The following IFFO2 variants were observed in gnomAD, a reference collection of about 807,000 sequenced individuals.
The protein encoded by IFFO2 is intermediate filament family orphan 2.
A neutral mutation model predicts 53.5 loss-of-function variants in IFFO2; 19 were observed. The observed-to-expected ratio is 0.36, with a 90% confidence interval of 0.25 to 0.52. The LOEUF is 0.52. IFFO2 is among the 20% of genes least tolerant of loss of function. The pLI is 0.94. For synonymous variants in IFFO2, 303 were observed against 313.6 expected (o/e 0.97, Z 0.36); for missense variants, 570 against 727.4 (o/e 0.78, Z 2.49).
At chr1:18,940,241 G>A (rs529372982) in intron 1 of IFFO2, among the ~76,000 whole-genome samples, 25 of 152,308 alleles carry the variant, frequency 1.6e-4, no homozygotes, top group African/African-American at 5.3e-4. Flanking sequence ...GGGAGCTGCC[G>A]GCCAGGAGTG....
At position 18,916,949 on chromosome 1, in the gene IFFO2, C is replaced by T. The variant is rs201108135; in HGVS notation, c.1057G>A (p.Gly353Ser). 4.8e-5 allele frequency: 75 copies of T among 1,551,838 alleles called. No individual in the cohort carries two copies. The highest frequency in any genetic ancestry group is 5.9e-5 in the Non-Finnish European group (68 of 1,147,064). The change falls in exon 5 of 9, where the codon GGC becomes AGC. Residue 353 changes from glycine to serine, a missense_variant. Gly to Ser is a moderately conservative substitution (Grantham distance 56). Coordinates refer to ENST00000455833, the MANE Select transcript of IFFO2 (RefSeq NM_001136265.2). The surrounding 1 kb of genome is among the most constrained non-coding windows in gnomAD (Gnocchi z 4.3). The stretch of plus-strand genomic sequence containing the variant: ...ATCTCATCGGTGATGTTCATGGAGC[C>T]GACCTCATCGTCCGAGAACCGGTTC... The part of the protein sequence containing the change: ...EVNRFSDDEV[G>S]SMNITDEMKR...
chr1:18,952,921 G>T (rs946930007), intron 1 of IFFO2, among the ~76,000 whole-genome samples: 2 of 152,310 alleles, frequency 1.3e-5, no homozygotes, highest in Admixed American at 1.3e-4. Flanking sequence ...CATGGATGTG[G>T]CCAGAAATCA....
chr1:18,934,057 CTTTTTTTTTTTT>C (rs71577808), intron 1 of IFFO2, among the ~76,000 whole-genome samples: 11 of 70,316 alleles, frequency 1.6e-4, no homozygotes, highest in East Asian at 4.4e-4. Flanking sequence ...TCTCTTATTT[CTTTTTTTTTTTT>C]TTTTTTTTTT....
At chr1:18,955,632 C>T in intron 1 of IFFO2, 36 bp downstream of exon 1, 1 of 1,530,738 alleles carries the variant, frequency 6.5e-7, no homozygotes, top group Non-Finnish European at 8.7e-7. Flanking sequence ...CCTGGGCGCC[C>T]CGTCCCAGGG....
chr1:18,915,301 T>C (rs529581972), intron 5 of IFFO2, among the ~76,000 whole-genome samples: 1 of 152,262 alleles, frequency 6.6e-6, no homozygotes, highest in East Asian at 1.9e-4. Context: ...AAACAAATGA[T>C]GTCAAAGGCA....
At chr1:18,931,110 T>C (rs1378974416) in intron 1 of IFFO2, among the ~76,000 whole-genome samples, 1 of 152,170 alleles carries the variant, frequency 6.6e-6, no homozygotes, top group Non-Finnish European at 1.5e-5. Context: ...AGTTCAAGGT[T>C]GCAGTGAGCT....
At chr1:18,951,603 TCTACCAGCCCAGGGCAACTTCCC>T (rs544519900) in intron 1 of IFFO2, among the ~76,000 whole-genome samples, 51 of 152,280 alleles carry the variant, frequency 3.3e-4, no homozygotes, top group Admixed American at 1.1e-3. Context: ...GGCAACTTCC[TCTACCAGCCCAGGGCAACTTCCC>T]CTACCAGTCC....
At chr1:18,939,931 G>A (rs1936499228) in intron 1 of IFFO2, among the ~76,000 whole-genome samples, 1 of 152,204 alleles carries the variant, frequency 6.6e-6, no homozygotes, top group African/African-American at 2.4e-5. Flanking sequence ...AGTGGTCCTA[G>A]CCCCAAGATG....
At chr1:18,945,593 T>C (rs965534729) in intron 1 of IFFO2, among the ~76,000 whole-genome samples, 2 of 152,240 alleles carry the variant, frequency 1.3e-5, no homozygotes, top group Non-Finnish European at 2.9e-5. Context: ...GAGCAGCAGA[T>C]GAGCAGGGTC....
intron 1 of IFFO2, among the ~76,000 whole-genome samples, chr1:18,946,409 C>CTTTTTTTT (rs71577809): frequency 5.2e-5 from 5 of 96,540 alleles, no homozygotes; most frequent in Admixed American, 3.3e-4. Context: ...TTGCCACTTT[C>CTTTTTTTT]TTTTTTTTTT....
chr1:18,910,598 C>G (rs1936022125), intron 7 of IFFO2, 126 bp from the exon 8 acceptor site: 1 of 1,085,418 alleles, frequency 9.2e-7, no homozygotes, highest in Non-Finnish European at 1.3e-6. Context: ...ACCATGCCAT[C>G]AGGACCCTGC....
intron 1 of IFFO2, among the ~76,000 whole-genome samples, chr1:18,927,696 T>C (rs536383746): frequency 1.3e-5 from 2 of 152,224 alleles, no homozygotes; most frequent in South Asian, 4.1e-4. Flanking sequence ...TAAAATAATA[T>C]CTGAGCTGGA....
chr1:18,910,523 A>G (rs1936020920), intron 7 of IFFO2, 51 bp from the exon 8 acceptor site: 1 of 1,564,536 alleles, frequency 6.4e-7, no homozygotes, highest in Non-Finnish European at 8.7e-7. Context: ...TCCTCGTGAC[A>G]GAAGCCTCGG....
rs573035227 is a variant in IFFO2 at position 18,919,608 on chromosome 1, G to A, written c.822+70C>T. ...AGAAGCCGAGCCCCGGAGCCTCGGA[G>A]GGAATGAAGCATTTTGCATGATGGG... On this transcript the variant is annotated intron_variant, in intron 3 of 8. Coordinates refer to ENST00000455833, the MANE Select transcript of IFFO2 (RefSeq NM_001136265.2). This position sits in a 1 kb window ranked among gnomAD's most constrained non-coding sequence, Gnocchi z 4.9. 151 of 1,036,832 alleles carry A rather than the reference G, an allele frequency of 1.5e-4. 3 individuals carry two copies. The South Asian group carries it at 1.9e-3, about 13-fold the overall frequency. The allele number at this position is 1,036,832 out of a possible 1,614,324, so 64.2% of individuals were successfully genotyped here. A position where few individuals can be genotyped will look rare whatever the true frequency, so the allele number is the denominator to read the frequency against.
At chr1:18,946,345 T>C (rs1936586917) in intron 1 of IFFO2, among the ~76,000 whole-genome samples, 1 of 151,364 alleles carries the variant, frequency 6.6e-6, no homozygotes, top group Non-Finnish European at 1.5e-5. Flanking sequence ...TTTCTGGTAC[T>C]ACACAGGTTT....
In IFFO2 at chr1:18,918,263, TG is replaced by T; in HGVS notation, c.963+98del. The T allele has an allele frequency of 8.7e-7, 1 of 1,146,454 alleles. No homozygotes were observed. Among genetic ancestry groups the T allele is most frequent in the African/African-American group, 1.6e-5 (1 of 64,232 alleles). 71.0% of individuals were successfully genotyped at this position (1,146,454 alleles called of 1,614,324 possible). On this transcript the variant is annotated intron_variant, in intron 4 of 8. Coordinates refer to ENST00000455833, the MANE Select transcript of IFFO2 (RefSeq NM_001136265.2). The surrounding 1 kb of genome is among the most constrained non-coding windows in gnomAD (Gnocchi z 5.2). ...CTCTCGGGGAAGGGGAGGGAGTGAGTGGGATGTGGAGGCAAACGGGTTGGCC... is the reference window on the plus strand; with the variant it reads ...CTCTCGGGGAAGGGGAGGGAGTGAGTGGATGTGGAGGCAAACGGGTTGGCC...
intron 1 of IFFO2, among the ~76,000 whole-genome samples, chr1:18,938,092 CCT>C (rs34264221): frequency 0.26 from 39,280 of 152,172 alleles, 5,736 homozygotes; most frequent in Admixed American, 0.41. Flanking sequence ...GCAGCCACCC[CCT>C]GTCCCTTATC....
intron 1 of IFFO2, among the ~76,000 whole-genome samples, chr1:18,942,034 C>G (rs1050440961): frequency 6.6e-6 from 1 of 152,186 alleles, no homozygotes; most frequent in Non-Finnish European, 1.5e-5. Flanking sequence ...GCGGCTCTAC[C>G]GGGGAGAGGA....
intron 1 of IFFO2, among the ~76,000 whole-genome samples, chr1:18,938,829 C>G (rs1936482714): frequency 6.6e-6 from 1 of 152,206 alleles, no homozygotes; most frequent in African/African-American, 2.4e-5. Flanking sequence ...CCTGCAGGCC[C>G]TCAAAGGCAG....
Sources: gnomAD v4.1 joint callset for allele counts (sites outside exome capture counted in the v4.1 genomes callset) on GRCh38, gnomAD v4.1.1 for gene constraint, Gnocchi (gnomAD v3.1) non-coding constraint, MANE v1.5 for transcripts, NCBI Gene and HGNC (gene_info 2026-07-23, HGNC 2026-07-21) for gene names.